FAM107B: variants seen among roughly 807,000 people sequenced by gnomAD.
FAM107B encodes family with sequence similarity 107 member B, also known as protein FAM107B.
In FAM107B, 21 loss-of-function variants were observed where a neutral mutation model predicts 31.5. The ratio of observed to expected loss-of-function variants is 0.67; its 90% confidence interval spans 0.47 to 0.96. The LOEUF (loss-of-function observed/expected upper bound fraction) is 0.96, where lower values mean the gene tolerates loss of function less well. Ranked by LOEUF, FAM107B falls within the 40% of genes least tolerant of loss-of-function variation. The probability of loss-of-function intolerance (pLI) is 0.00; values close to 1 mark genes in which losing one functional copy is unlikely to be tolerated. For missense variants in FAM107B, 452 were observed against 377.1 expected, an observed-to-expected ratio of 1.20 and a Z score of -1.64; for synonymous variants, 157 against 141.5, an observed-to-expected ratio of 1.11 and a Z score of -0.78.
rs572238991 is a variant in FAM107B, at chr10:14,551,293, G to A, written c.470-20778C>T. On this transcript the variant is annotated intron_variant, in intron 2 of 4. Transcript: ENST00000181796. ...CTCCTGAGTAGCTGGGACTACAGGC[G>A]CCCACCATGCCCGCCTAATTTTTGT... is the stretch of plus-strand genomic sequence containing the variant. 5.1e-4 allele frequency among the ~76,000 whole-genome samples: 77 copies of A among 152,020 alleles called. 1 individual carries two copies. The highest frequency in any genetic ancestry group is 3.9e-4 in the Admixed American group (6 of 15,242).
chr10:14,742,232 T>G (rs1856457037), intron 1 of FAM107B, among the ~76,000 whole-genome samples: 1 of 151,734 alleles, frequency 6.6e-6, no homozygotes, highest in Non-Finnish European at 1.5e-5. Context: ...TCCTCCCACC[T>G]TGGCCTCCTG....
chr10:14,601,227 T>C (rs1324564891), intron 2 of FAM107B, among the ~76,000 whole-genome samples: 1 of 152,178 alleles, frequency 6.6e-6, no homozygotes, highest in Non-Finnish European at 1.5e-5. Flanking sequence ...CCATGCACCA[T>C]AACTAAATGG....
chr10:14,537,933 C>T (rs148005452), intron 2 of FAM107B, among the ~76,000 whole-genome samples: 30 of 151,946 alleles, frequency 2.0e-4, no homozygotes, highest in South Asian at 8.3e-4. Flanking sequence ...TCACTGGCAA[C>T]GAATAAGAAT....
chr10:14,604,125 G>GCCCCCCCCCCC, intron 2 of FAM107B: 1 of 186,480 alleles, frequency 5.4e-6, no homozygotes, highest in Non-Finnish European at 9.4e-6. Flanking sequence ...CCCCCCACCC[G>GCCCCCCCCCCC]CCCGGCCGCC....
intron 2 of FAM107B, among the ~76,000 whole-genome samples, chr10:14,606,585 A>G (rs1056582044): frequency 6.6e-6 from 1 of 152,094 alleles, no homozygotes; most frequent in Non-Finnish European, 1.5e-5. Flanking sequence ...ACCTATAGGG[A>G]GGTAATTAAG....
At chr10:14,603,034 C>T (rs1379841723) in intron 2 of FAM107B, among the ~76,000 whole-genome samples, 2 of 149,632 alleles carry the variant, frequency 1.3e-5, no homozygotes, top group Non-Finnish European at 3.0e-5. Flanking sequence ...CACACACAAA[C>T]ACACTATGGC....
intron 1 of FAM107B, among the ~76,000 whole-genome samples, chr10:14,762,268 C>G (rs1833063866): frequency 6.6e-6 from 1 of 152,156 alleles, no homozygotes; most frequent in African/African-American, 2.4e-5. Context: ...CCTTATTTTC[C>G]TACTTGAAAG....
At chr10:14,674,022 T>A (rs994049357) in intron 1 of FAM107B, among the ~76,000 whole-genome samples, 1 of 151,446 alleles carries the variant, frequency 6.6e-6, no homozygotes, top group Non-Finnish European at 1.5e-5. Context: ...GCGTTCCAAG[T>A]ATCTCTAGAA....
At chr10:14,581,494 C>T (rs1401332657) in intron 2 of FAM107B, among the ~76,000 whole-genome samples, 2 of 152,222 alleles carry the variant, frequency 1.3e-5, no homozygotes, top group Non-Finnish European at 2.9e-5. Context: ...GCCTGAAAGA[C>T]GTTCGTTCAG....
At chr10:14,643,194 T>C (rs1314823128) in intron 2 of FAM107B, among the ~76,000 whole-genome samples, 1 of 152,022 alleles carries the variant, frequency 6.6e-6, no homozygotes, top group Non-Finnish European at 1.5e-5. Context: ...CCAAGATCTA[T>C]AATTAGTGAG....
intron 2 of FAM107B, among the ~76,000 whole-genome samples, chr10:14,600,093 C>T (rs1852336721): frequency 1.3e-5 from 2 of 152,072 alleles, no homozygotes; most frequent in African/African-American, 4.8e-5. Context: ...AATAAGTCTT[C>T]TCACTCTTTC....
At chr10:14,710,289 A>C (rs1855611684) in intron 1 of FAM107B, among the ~76,000 whole-genome samples, 5 of 152,138 alleles carry the variant, frequency 3.3e-5, no homozygotes. Flanking sequence ...TCTACAAAAA[A>C]TGAAAAGAAA....
intron 3 of FAM107B, among the ~76,000 whole-genome samples, chr10:14,524,907 A>G (rs1846063075): frequency 6.6e-6 from 1 of 152,248 alleles, no homozygotes; most frequent in African/African-American, 2.4e-5. Flanking sequence ...GAATGGGTTT[A>G]ACTATTACAC....
At chr10:14,628,120 T>TTGTTTTTTTTGTTTTTTTTG (rs1421915734) in intron 2 of FAM107B, among the ~76,000 whole-genome samples, 1,443 of 123,824 alleles carry the variant, frequency 0.012, 46 homozygotes, top group African/African-American at 0.048. Context: ...TGGTTTTTTT[T>TTGTTTTTTTTGTTTTTTTTG]TTTTTTTTTT....
intron 2 of FAM107B, among the ~76,000 whole-genome samples, chr10:14,660,961 A>T (rs967222689): frequency 6.6e-6 from 1 of 152,166 alleles, no homozygotes; most frequent in Non-Finnish European, 1.5e-5. Context: ...TGACTGGATC[A>T]TGTGAGTGGA....
rs117624358 is a variant in FAM107B, at chr10:14,724,314, T to G, written c.411+49939A>C. ...AGGTAGGGGTCCAACAGTCTTCTTT[T>G]GCTTATGTCTATCCAGTTGTCCCAA... is the stretch of plus-strand genomic sequence containing the variant. On this transcript the variant is annotated intron_variant, in intron 1 of 4. Transcript: ENST00000181796. Among the ~76,000 whole-genome samples the G allele has an allele frequency of 3.5e-3, 527 of 152,378 alleles. 12 individuals carry two copies. The East Asian group carries it at 0.046, about 13-fold the overall frequency.
At chr10:14,705,935 C>T (rs368663891) in intron 1 of FAM107B, among the ~76,000 whole-genome samples, 1 of 152,242 alleles carries the variant, frequency 6.6e-6, no homozygotes, top group Admixed American at 6.5e-5. Context: ...AGGACCCAAC[C>T]GGCAGGGCAA....
chr10:14,647,315 C>T (rs538963322), intron 2 of FAM107B, among the ~76,000 whole-genome samples: 2 of 152,250 alleles, frequency 1.3e-5, no homozygotes, highest in South Asian at 4.2e-4. Context: ...ACAGTCTTGG[C>T]CAGATTTTCA....
Position 14,532,987 on chromosome 10 carries a change from C to T in FAM107B, c.470-2472G>A, listed in dbSNP as rs11259160. On this transcript the variant is annotated intron_variant, in intron 2 of 4. Coordinates refer to ENST00000181796, the MANE Select transcript of FAM107B (RefSeq NM_031453.4). ...CTGGGGGGGATGAGGAATGGCAAAG[C>T]GCGAGGCTGGCTGCAGGGGAGGGAG... is the stretch of plus-strand genomic sequence containing the variant. Among the ~76,000 whole-genome samples, 315 of 152,160 alleles carry T rather than the reference C, an allele frequency of 2.1e-3. 2 individuals carry two copies. The highest frequency in any genetic ancestry group is 7.1e-3 in the African/African-American group (293 of 41,500).
Sources: gnomAD v4.1 joint callset for allele counts (sites outside exome capture counted in the v4.1 genomes callset) on GRCh38, gnomAD v4.1.1 for gene constraint, MANE v1.5 for transcripts, NCBI Gene and HGNC (gene_info 2026-07-23, HGNC 2026-07-21) for gene names.